Variants in SLC10A7 observed in about 807,000 individuals in gnomAD.
SLC10A7 encodes the protein sodium/bile acid cotransporter 7.
Under a neutral mutation model 43.2 loss-of-function variants are expected in SLC10A7, and 29 were observed. The ratio of observed to expected loss-of-function variants is 0.67; its 90% CI spans 0.50 to 0.92. The LOEUF (loss-of-function observed/expected upper bound fraction) is 0.92. Ranked by LOEUF, SLC10A7 falls within the 40% of genes least tolerant of loss-of-function variation. The pLI is 0.00. For missense variants in SLC10A7, 295 were observed against 403.2 expected, an observed-to-expected ratio of 0.73 and a Z score of 2.30; for synonymous variants, 152 against 144.8, an observed-to-expected ratio of 1.05 and a Z score of -0.35.
chr4:146,363,885 C>A (rs549109190), intron 5 of SLC10A7, among the ~76,000 whole-genome samples: 1 of 151,530 alleles, frequency 6.6e-6, no homozygotes, highest in Non-Finnish European at 1.5e-5. Context: ...GCAATAAACA[C>A]CTAAATCAAA....
chr4:146,272,659 T>C (rs1404171418), intron 10 of SLC10A7, among the ~76,000 whole-genome samples: 8 of 152,160 alleles, frequency 5.3e-5, no homozygotes, highest in African/African-American at 1.9e-4. Flanking sequence ...AAAGGACAAT[T>C]GTTTTTTATC....
rs2111190106 is a variant in SLC10A7 at position 146,293,934 on chromosome 4, G to T, written c.717C>A (p.Phe239Leu). Residue 239 changes from phenylalanine (F) to leucine (L), a missense_variant, in exon 8 of 12, where the codon TTC (phenylalanine) becomes TTA (leucine). By Grantham distance (22) the Phe-to-Leu change is conservative (BLOSUM62 0). Transcript: ENST00000335472. ...CTATCCCATTTTCCAACTTACTTAT[G>T]AACAGTATGAGAACAAGGCTGAATT... ...LDKFSLVLIL[F>L]IIFSIQLSFM... The T allele has an allele frequency of 6.2e-7, 1 of 1,608,384 alleles. No homozygotes were observed. Among genetic ancestry groups the T allele is most frequent in the Non-Finnish European group, 8.5e-7 (1 of 1,176,672 alleles).
At chr4:146,429,075 G>A (rs1729585013) in intron 5 of SLC10A7, among the ~76,000 whole-genome samples, 1 of 152,042 alleles carries the variant, frequency 6.6e-6, no homozygotes, top group Admixed American at 6.6e-5. Context: ...CTTAGATGTG[G>A]GGATGAATTT....
chr4:146,402,082 C>A (rs1739264029), intron 5 of SLC10A7, among the ~76,000 whole-genome samples: 1 of 152,130 alleles, frequency 6.6e-6, no homozygotes, highest in Non-Finnish European at 1.5e-5. Flanking sequence ...TGGAGAATAG[C>A]ATCTAGAAAC....
At chr4:146,401,740 G>A (rs1739240427) in intron 5 of SLC10A7, among the ~76,000 whole-genome samples, 2 of 152,016 alleles carry the variant, frequency 1.3e-5, no homozygotes, top group South Asian at 4.1e-4. Context: ...AAAACACTGT[G>A]GATTCCATAT....
At chr4:146,492,621 C>T (rs1044931554) in intron 4 of SLC10A7, among the ~76,000 whole-genome samples, 1 of 152,200 alleles carries the variant, frequency 6.6e-6, no homozygotes, top group Non-Finnish European at 1.5e-5. Flanking sequence ...CCACTGGCCT[C>T]GGCCTCCCAA....
At chr4:146,287,482 G>A (rs1023100791) in intron 9 of SLC10A7, among the ~76,000 whole-genome samples, 3 of 152,082 alleles carry the variant, frequency 2.0e-5, no homozygotes, top group Non-Finnish European at 4.4e-5. Flanking sequence ...GGTAGAGAAC[G>A]GGCAAGCAGA....
chr4:146,348,375 T>C (rs1377263332), intron 5 of SLC10A7, among the ~76,000 whole-genome samples: 1 of 152,184 alleles, frequency 6.6e-6, no homozygotes, highest in Non-Finnish European at 1.5e-5. Flanking sequence ...TTCAATAAAT[T>C]TAGTTTTACA....
chr4:146,389,386 G>A (rs1738253689), intron 5 of SLC10A7, among the ~76,000 whole-genome samples: 1 of 151,736 alleles, frequency 6.6e-6, no homozygotes, highest in Non-Finnish European at 1.5e-5. Context: ...GAGACACAGG[G>A]AAAAGTCAGT....
intron 1 of SLC10A7, 95 bp from the exon 2 acceptor site, chr4:146,517,215 C>A (rs1337976372): frequency 3.0e-6 from 3 of 1,007,982 alleles, no homozygotes; most frequent in Non-Finnish European, 4.4e-6. Flanking sequence ...GTAATCCCAG[C>A]ACTTTGGGAG....
intron 1 of SLC10A7, among the ~76,000 whole-genome samples, chr4:146,520,655 G>A (rs1432231087): frequency 6.6e-6 from 1 of 152,122 alleles, no homozygotes; most frequent in Non-Finnish European, 1.5e-5. Flanking sequence ...ATCCTCCTGA[G>A]CGCTTCCTAC....
chr4:146,411,706 G>A (rs1728206443), intron 5 of SLC10A7, among the ~76,000 whole-genome samples: 1 of 151,900 alleles, frequency 6.6e-6, no homozygotes, highest in African/African-American at 2.4e-5. Flanking sequence ...CGTCTTTAGT[G>A]TTTTCATTAT....
intron 4 of SLC10A7, among the ~76,000 whole-genome samples, chr4:146,443,116 C>G (rs959903113): frequency 3.3e-5 from 5 of 152,100 alleles, no homozygotes; most frequent in African/African-American, 1.2e-4. Context: ...AAATTGAGAC[C>G]ATGTTGCTAT....
intron 9 of SLC10A7, among the ~76,000 whole-genome samples, chr4:146,288,482 G>C (rs1218715166): frequency 1.3e-5 from 2 of 152,326 alleles, no homozygotes; most frequent in African/African-American, 2.4e-5. Flanking sequence ...CTAGTAAGTT[G>C]GTTGCCCCAA....
At chr4:146,485,056 T>A (rs1025433346) in intron 4 of SLC10A7, among the ~76,000 whole-genome samples, 1 of 152,106 alleles carries the variant, frequency 6.6e-6, no homozygotes, top group Non-Finnish European at 1.5e-5. Flanking sequence ...TCCCACCTCA[T>A]CCCTTTTACC....
At chr4:146,474,132 GA>G (rs386357490) in intron 4 of SLC10A7, among the ~76,000 whole-genome samples, 4 of 13,400 alleles carry the variant, frequency 3.0e-4, no homozygotes, top group Admixed American at 9.0e-4. Flanking sequence ...AAATAAAAGA[GA>G]AAAAAAAAAA....
chr4:146,371,833 G>T (rs1000158776), intron 5 of SLC10A7, among the ~76,000 whole-genome samples: 1 of 152,122 alleles, frequency 6.6e-6, no homozygotes, highest in African/African-American at 2.4e-5. Context: ...ATTATTAATA[G>T]AGACCTATAG....
intron 10 of SLC10A7, among the ~76,000 whole-genome samples, chr4:146,277,369 C>T (rs559338442): frequency 1.3e-5 from 2 of 152,210 alleles, no homozygotes; most frequent in African/African-American, 4.8e-5. Flanking sequence ...TTTTCAGATA[C>T]CATATTCTGA....
intron 5 of SLC10A7, among the ~76,000 whole-genome samples, chr4:146,333,599 G>A (rs948787252): frequency 1.3e-5 from 2 of 152,086 alleles, no homozygotes; most frequent in African/African-American, 4.8e-5. Flanking sequence ...AGGCACTGAA[G>A]GCAAGAAGAA....
Sources: allele counts gnomAD v4.1 joint callset (sites outside exome capture counted in the v4.1 genomes callset), GRCh38; gene constraint gnomAD v4.1.1; transcripts MANE v1.5; gene names NCBI Gene and HGNC (gene_info 2026-07-23, HGNC 2026-07-21).